SEC13: variants seen among roughly 807,000 people sequenced by gnomAD.
SEC13 encodes SEC13 homolog, nuclear pore and COPII component, also known as protein SEC13 homolog.
Under a neutral mutation model 49.2 loss-of-function variants are expected in SEC13, and 25 were observed. That is an observed-to-expected ratio of 0.51 (90% CI 0.37 to 0.71). The LOEUF is 0.71. Among genes scored for constraint, SEC13 ranks in the 30% least tolerant of loss-of-function variants. The pLI is 0.00. For synonymous variants in SEC13, 148 were observed against 163.9 expected (o/e 0.90, Z 0.74); for missense variants, 383 against 417.6 (o/e 0.92, Z 0.72).
chr3:10,304,407 T>C lies in SEC13; in HGVS notation c.709-235A>G, dbSNP rs1010221035. Among the ~76,000 whole-genome samples, 7 of 152,074 alleles carry C rather than the reference T, an allele frequency of 4.6e-5. No individual in the cohort carries two copies. The East Asian group carries it at 5.8e-4, about 13-fold the overall frequency. The stretch of plus-strand genomic sequence containing the variant: ...GTTTCGGAGGTGGACTCTGTCTGCA[T>C]TGCTAACTCAGATTTTCTCTGGGGT... On this transcript the variant is annotated intron_variant, in intron 7 of 8. Transcript: ENST00000350697.
rs767328939 is a variant in SEC13, at chr3:10,312,676, G to C, written c.219C>G (p.Ile73Met). 6 of 1,614,192 alleles carry C rather than the reference G, an allele frequency of 3.7e-6. No individual in the cohort carries two copies. The highest frequency in any genetic ancestry group is 4.2e-6 in the Non-Finnish European group (5 of 1,180,040). Residue 73 changes from isoleucine to methionine, a missense_variant, in exon 4 of 9, where the codon ATC (isoleucine) becomes ATG (methionine). Coordinates refer to ENST00000350697, the MANE Select transcript of SEC13 (RefSeq NM_183352.3). ...VAWAHPMYGN[I>M]LASCSYDRKV... ...TCCGGTCATAGGAGCACGATGCCAG[G>C]ATGTTGCCGTACATGGGGTGAGCCC...
chr3:10,305,213 T>G (rs1700796152), intron 6 of SEC13, 57 bp from the exon 7 acceptor site: 2 of 1,544,982 alleles, frequency 1.3e-6, no homozygotes, highest in Non-Finnish European at 1.7e-6. Context: ...CCTCAACTCC[T>G]CCCCAACCCA....
rs553405365 is a variant in SEC13 at position 10,304,827 on chromosome 3, T to C, written c.708+206A>G. 2.0e-5 allele frequency among the ~76,000 whole-genome samples: 3 copies of C among 152,338 alleles called. No homozygotes were observed. The South Asian group carries it at 6.2e-4, about 32-fold the overall frequency. ...CTCCTTCTTGGTGCCGGTTCTGTTGTAGCTGTCTCATCTCAGTGGAGGCAG... is the reference window on the plus strand; with the variant it reads ...CTCCTTCTTGGTGCCGGTTCTGTTGCAGCTGTCTCATCTCAGTGGAGGCAG... On this transcript the variant is annotated intron_variant, in intron 7 of 8. Transcript: ENST00000350697.
intron 1 of SEC13, among the ~76,000 whole-genome samples, chr3:10,319,919 G>C (rs551809299): frequency 1.6e-4 from 19 of 115,586 alleles, no homozygotes; most frequent in African/African-American, 6.4e-4. Flanking sequence ...CGGGGAGAGA[G>C]AGAGAGAAGA....
At chr3:10,304,981 T>C (rs1700775120) in intron 7 of SEC13, 52 bp downstream of exon 7, 1 of 1,612,348 alleles carries the variant, frequency 6.2e-7, no homozygotes, top group Non-Finnish European at 8.5e-7. Context: ...TAAGAGCTGA[T>C]GGGCCTGACT....
In SEC13 at chr3:10,301,703, C is replaced by T. The variant is rs145626143; in HGVS notation, c.856-329G>A. On this transcript the variant is annotated intron_variant, in intron 8 of 8. Transcript: ENST00000350697. ...TGGTCCCCAGACCAGAGCAGAGCATCGGTCACCTGGGAGCTTGCTACAACT... is the reference window on the plus strand; with the variant it reads ...TGGTCCCCAGACCAGAGCAGAGCATTGGTCACCTGGGAGCTTGCTACAACT... Among the ~76,000 whole-genome samples, 16 of 152,302 alleles carry T rather than the reference C, an allele frequency of 1.1e-4. No individual in the cohort carries two copies. The South Asian group carries it at 1.2e-3, about 12-fold the overall frequency.
intron 5 of SEC13, among the ~76,000 whole-genome samples, chr3:10,310,854 A>G (rs1205951479): frequency 6.6e-6 from 1 of 152,208 alleles, no homozygotes; most frequent in African/African-American, 2.4e-5. Context: ...GTCTATATTC[A>G]CAATGGAGTA....
At position 10,321,073 on chromosome 3, in the gene SEC13, C is replaced by T; in HGVS notation, c.-21G>A. 6.2e-7 allele frequency: 1 copy of T among 1,612,996 alleles called. No individual in the cohort carries two copies. The highest frequency in any genetic ancestry group is 8.5e-7 in the Non-Finnish European group (1 of 1,179,664). ...ACCATGATTGCGGCGGTGGCTGCTCCAGGTCTCGGACGTGGCAGCTCCCGG... is the reference window on the plus strand; with the variant it reads ...ACCATGATTGCGGCGGTGGCTGCTCTAGGTCTCGGACGTGGCAGCTCCCGG... On this transcript the variant is annotated 5_prime_UTR_variant, in exon 1 of 9. Coordinates refer to ENST00000350697, the MANE Select transcript of SEC13 (RefSeq NM_183352.3). This position sits in a 1 kb window ranked among gnomAD's most constrained non-coding sequence, Gnocchi z 4.1.
At chr3:10,312,805 C>T in intron 3 of SEC13, 75 bp from the exon 4 acceptor site, 2 of 1,453,340 alleles carry the variant, frequency 1.4e-6, no homozygotes, top group Non-Finnish European at 9.5e-7. Context: ...CTAAATGGCT[C>T]CCTGAGACGA....
At chr3:10,310,039 ATCACAGAGC>A (rs75032054) in intron 5 of SEC13, among the ~76,000 whole-genome samples, 4,206 of 152,200 alleles carry the variant, frequency 0.028, 88 homozygotes, top group African/African-American at 0.041. Context: ...GCTCTGGAGG[ATCACAGAGC>A]TCAGATTTCT....
rs1297423203 is a variant in SEC13 at position 10,315,344 on chromosome 3, C to A, written c.141G>T (p.Gln47His). 2 of 1,613,858 alleles carry A rather than the reference C, an allele frequency of 1.2e-6. No individual in the cohort carries two copies. Among genetic ancestry groups the A allele is most frequent in the South Asian group, 2.2e-5 (2 of 91,072 alleles). Residue 47 changes from glutamine (Q) to histidine (H), a missense_variant, in exon 3 of 9, where the codon CAG (glutamine) becomes CAT (histidine). Coordinates refer to ENST00000350697, the MANE Select transcript of SEC13 (RefSeq NM_183352.3). ...VKIFDVRNGG[Q>H]ILIADLRGHE... Reference sequence around the variant, plus strand: ...ACCCCCTGAGGTCGGCGATAAGGATCTGCCCTCCATTGCGCACATCAAAGA... The same window carrying A: ...ACCCCCTGAGGTCGGCGATAAGGATATGCCCTCCATTGCGCACATCAAAGA...
intron 5 of SEC13, among the ~76,000 whole-genome samples, chr3:10,309,701 T>C (rs1386215230): frequency 1.3e-5 from 2 of 152,244 alleles, no homozygotes; most frequent in Admixed American, 6.5e-5. Context: ...TCTAATGTGC[T>C]CTCATTGTCC....
At chr3:10,301,772 G>C (rs1338706902) in intron 8 of SEC13, among the ~76,000 whole-genome samples, 2 of 152,140 alleles carry the variant, frequency 1.3e-5, no homozygotes, top group Non-Finnish European at 2.9e-5. Flanking sequence ...AAGCTCTGGG[G>C]GTGGGGCTGG....
chr3:10,305,157 CTAACAGTGGGGACAGAAAGAGAAT>C lies in SEC13; in HGVS notation c.585-25_585-2del. 6.2e-7 allele frequency: 1 copy of C among 1,609,248 alleles called. No homozygotes were observed. The highest frequency in any genetic ancestry group is 8.5e-7 in the Non-Finnish European group (1 of 1,177,386). On this transcript the variant is annotated splice_acceptor_variant and splice_polypyrimidine_tract_variant and intron_variant, in intron 6 of 8. Coordinates refer to ENST00000350697, the MANE Select transcript of SEC13 (RefSeq NM_183352.3). LOFTEE classifies it high-confidence loss of function. Reference sequence around the variant, plus strand: ...CTTCCACTGGCCGTCCTCCTCCTCCCTAACAGTGGGGACAGAAAGAGAATCAGCAGGGGGCCGTTCCCACACCTC... The same window carrying C: ...CTTCCACTGGCCGTCCTCCTCCTCCCCAGCAGGGGGCCGTTCCCACACCTC...
chr3:10,309,671 C>G (rs1318578507), intron 5 of SEC13, among the ~76,000 whole-genome samples: 4 of 152,164 alleles, frequency 2.6e-5, no homozygotes, highest in African/African-American at 7.2e-5. Flanking sequence ...CAGCTTGGCT[C>G]GGTTATGTGG....
At chr3:10,315,715 G>T (rs1262995649) in intron 2 of SEC13, among the ~76,000 whole-genome samples, 2 of 152,170 alleles carry the variant, frequency 1.3e-5, no homozygotes, top group African/African-American at 2.4e-5. Flanking sequence ...GTTCCGCAGG[G>T]TGGGTATGGG....
At chr3:10,318,325 G>A (rs83604) in intron 1 of SEC13, among the ~76,000 whole-genome samples, 33,268 of 151,882 alleles carry the variant, frequency 0.22, 3,924 homozygotes, top group Middle Eastern at 0.28. Flanking sequence ...AGTGTCGCAA[G>A]ATAAATTATT....
At chr3:10,318,489 G>T (rs2059703399) in intron 1 of SEC13, among the ~76,000 whole-genome samples, 2 of 151,762 alleles carry the variant, frequency 1.3e-5, no homozygotes, top group South Asian at 4.2e-4. Flanking sequence ...GAGACAAAGA[G>T]GTCTGAGAGA....
chr3:10,309,449 C>T (rs953862713), intron 5 of SEC13, among the ~76,000 whole-genome samples: 7 of 152,230 alleles, frequency 4.6e-5, no homozygotes, highest in Admixed American at 3.3e-4. Flanking sequence ...TTTCCTTTTT[C>T]ACACTGTTTA....
Sources: gnomAD v4.1 joint callset for allele counts (sites outside exome capture counted in the v4.1 genomes callset) on GRCh38, gnomAD v4.1.1 for gene constraint, Gnocchi (gnomAD v3.1) non-coding constraint, MANE v1.5 for transcripts, NCBI Gene and HGNC (gene_info 2026-07-23, HGNC 2026-07-21) for gene names.